PPAT: variants seen among roughly 807,000 people sequenced by gnomAD.
PPAT encodes phosphoribosyl pyrophosphate amidotransferase.
Under a neutral mutation model 60.2 loss-of-function variants are expected in PPAT, and 20 were observed. That is an observed-to-expected ratio of 0.33 (90% CI 0.23 to 0.48). The LOEUF (loss-of-function observed/expected upper bound fraction) is 0.48, where lower values mean the gene tolerates loss of function less well. Among genes scored for constraint, PPAT ranks in the 20% least tolerant of loss-of-function variants. PPAT has a pLI of 0.99. For missense variants in PPAT, 349 were observed against 629.6 expected (o/e 0.55, Z 4.77); for synonymous variants, 194 against 215.1 (o/e 0.90, Z 0.86).
chr4:56,432,614 T>C (rs1717651455), intron 1 of PPAT, among the ~76,000 whole-genome samples: 1 of 148,620 alleles, frequency 6.7e-6, no homozygotes. Flanking sequence ...TGAAACCCCG[T>C]TTCTACTAAA....
intron 2 of PPAT, among the ~76,000 whole-genome samples, chr4:56,407,392 C>T (rs1213246501): frequency 6.6e-6 from 1 of 151,698 alleles, no homozygotes; most frequent in Non-Finnish European, 1.5e-5. Context: ...AATATCAGCT[C>T]ACCACAACCT....
Position 56,396,479 on chromosome 4 carries a change from A to T in PPAT, c.1357+140T>A. 1 of 819,612 alleles carries T rather than the reference A, an allele frequency of 1.2e-6. No individual in the cohort carries two copies. The highest frequency in any genetic ancestry group is 1.8e-6 in the Non-Finnish European group (1 of 549,070). The allele number at this position is 819,612 out of a possible 1,614,324, so 50.8% of individuals were successfully genotyped here. A position where few individuals can be genotyped will look rare whatever the true frequency, so the allele number is the denominator to read the frequency against. On this transcript the variant is annotated intron_variant, in intron 10 of 10. Coordinates refer to ENST00000264220, the MANE Select transcript of PPAT (RefSeq NM_002703.5). This position sits in a 1 kb window ranked among gnomAD's most constrained non-coding sequence, Gnocchi z 4.6. ...CATGCCCACTACTCTCACTGTTGAG[A>T]ATAGTATTCAATATCTGTTTAACAT...
At chr4:56,408,623 G>A (rs1317996749) in intron 1 of PPAT, among the ~76,000 whole-genome samples, 2 of 146,104 alleles carry the variant, frequency 1.4e-5, no homozygotes, top group East Asian at 2.1e-4. Context: ...GCGTGGTGGC[G>A]GGCGCCTGTC....
At chr4:56,407,617 C>A in intron 2 of PPAT, 33 bp downstream of exon 2, 1 of 1,540,342 alleles carries the variant, frequency 6.5e-7, no homozygotes, top group South Asian at 1.1e-5. Context: ...CGCACTTGGT[C>A]TGTCATCAAC....
chr4:56,396,455 A>G lies in PPAT; in HGVS notation c.1357+164T>C. On this transcript the variant is annotated intron_variant, in intron 10 of 10. Coordinates refer to ENST00000264220, the MANE Select transcript of PPAT (RefSeq NM_002703.5). The surrounding 1 kb of genome is among the most constrained non-coding windows in gnomAD (Gnocchi z 4.6). Reference sequence around the variant, plus strand: ...ACACAAGACTCTGTGGTGTCTGCCCATGCCCACTACTCTCACTGTTGAGAA... The same window carrying G: ...ACACAAGACTCTGTGGTGTCTGCCCGTGCCCACTACTCTCACTGTTGAGAA... 2 of 612,124 alleles carry G rather than the reference A, an allele frequency of 3.3e-6. No individual in the cohort carries two copies. Among genetic ancestry groups the G allele is most frequent in the Non-Finnish European group, 2.6e-6 (1 of 388,624 alleles). 37.9% of individuals were successfully genotyped at this position (612,124 alleles called of 1,614,324 possible).
At chr4:56,401,983 T>C (rs1716123573) in intron 6 of PPAT, 126 bp downstream of exon 6, 1 of 678,632 alleles carries the variant, frequency 1.5e-6, no homozygotes, top group Non-Finnish European at 2.4e-6. Flanking sequence ...AGAAAAACCA[T>C]TTATAAATAT....
chr4:56,400,874 C>T lies in PPAT; in HGVS notation c.924G>A (p.Gln308=). The T allele has an allele frequency of 6.2e-7, 1 of 1,612,992 alleles. No individual in the cohort carries two copies. Among genetic ancestry groups the T allele is most frequent in the Non-Finnish European group, 8.5e-7 (1 of 1,178,988 alleles). The change falls in exon 8 of 11, where the codon CAG becomes CAA. Residue 308 remains glutamine (Q), a synonymous_variant. Transcript: ENST00000264220. The part of the protein sequence containing the change: ...MVYTVRYRCG[Q]QLAIEAPVDA... ...CCACAGGTGCTTCAATCGCTAGCTG[C>T]TGGCCACAACGGTATCTTACTGTAT...
intron 9 of PPAT, among the ~76,000 whole-genome samples, chr4:56,398,569 C>A (rs1716039616): frequency 6.6e-6 from 1 of 151,796 alleles, no homozygotes; most frequent in Non-Finnish European, 1.5e-5. Context: ...CCCACCTCAG[C>A]CTCCTAAGTA....
chr4:56,396,881 TG>T lies in PPAT; in HGVS notation c.1237-143del. The T allele has an allele frequency of 2.5e-6, 2 of 809,276 alleles. No homozygotes were observed. Among genetic ancestry groups the T allele is most frequent in the Non-Finnish European group, 3.5e-6 (2 of 567,650 alleles). The allele number at this position is 809,276 out of a possible 1,614,324, so 50.1% of individuals were successfully genotyped here. On this transcript the variant is annotated intron_variant, in intron 9 of 10. Transcript: ENST00000264220. The surrounding 1 kb of genome is among the most constrained non-coding windows in gnomAD (Gnocchi z 4.6). ...TTATTCTTTCTACAAAGCTGCTTCTTGGTTTTTTTTTTCTTTCACCTAATCA... is the reference window on the plus strand; with the variant it reads ...TTATTCTTTCTACAAAGCTGCTTCTTGTTTTTTTTTTCTTTCACCTAATCA...
chr4:56,400,929 GGAGA>G lies in PPAT; in HGVS notation c.887-22_887-19del. The G allele has an allele frequency of 6.2e-7, 1 of 1,600,322 alleles. No homozygotes were observed. On this transcript the variant is annotated intron_variant, in intron 7 of 10. Transcript: ENST00000264220. ...CATTTGGTCTGGTGTGTTTGGAAAA[GGAGA>G]GAGAGTATTTTTACTTAGCATGATA...
At chr4:56,430,196 A>T (rs57697821) in intron 1 of PPAT, among the ~76,000 whole-genome samples, 1 of 152,136 alleles carries the variant, frequency 6.6e-6, no homozygotes, top group South Asian at 2.1e-4. Context: ...TTTTTGAAAA[A>T]TTGCATGTCT....
chr4:56,401,203 C>G, intron 7 of PPAT, 127 bp downstream of exon 7: 3 of 936,338 alleles, frequency 3.2e-6, no homozygotes, highest in Non-Finnish European at 4.7e-6. Context: ...GGGCTCAGTC[C>G]TATATCCACA....
chr4:56,403,989 C>T (rs1243140693), intron 3 of PPAT: 4 of 434,438 alleles, frequency 9.2e-6, no homozygotes, highest in Admixed American at 7.8e-5. Context: ...CCACTCACCT[C>T]CTGCTGTGTG....
intron 1 of PPAT, chr4:56,421,083 A>G (rs1717015006): frequency 6.6e-6 from 1 of 152,274 alleles, no homozygotes; most frequent in Non-Finnish European, 1.5e-5. Flanking sequence ...CATCATGCAC[A>G]TTATGACCTG....
intron 1 of PPAT, among the ~76,000 whole-genome samples, chr4:56,424,382 C>T (rs1164553289): frequency 6.6e-6 from 1 of 152,110 alleles, no homozygotes; most frequent in Non-Finnish European, 1.5e-5. Flanking sequence ...GCACTGGAAA[C>T]CGTAGCTAGG....
At chr4:56,413,725 G>A (rs967419523) in intron 1 of PPAT, among the ~76,000 whole-genome samples, 15 of 151,940 alleles carry the variant, frequency 9.9e-5, no homozygotes, top group Middle Eastern at 3.4e-3. Flanking sequence ...GTGAAACCCC[G>A]TCTCTACTAA....
chr4:56,406,518 T>A lies in PPAT; in HGVS notation c.379A>T (p.Asn127Tyr), dbSNP rs750794128. Reference sequence around the variant, plus strand: ...ACCTTTTTCCTTAATCGAGCAGCATTTACCAATTCGCCATTATGTGCCACA... The same window carrying A: ...ACCTTTTTCCTTAATCGAGCAGCATATACCAATTCGCCATTATGTGCCACA... ...IAVAHNGELV[N>Y]AARLRKKLLR... Residue 127 changes from asparagine to tyrosine, a missense_variant, in exon 3 of 11, where the codon AAT (asparagine) becomes TAT (tyrosine). Physicochemically the swap from Asn to Tyr is moderately radical, Grantham distance 143. Transcript: ENST00000264220. 6.2e-7 allele frequency: 1 copy of A among 1,612,368 alleles called. No individual in the cohort carries two copies. The highest frequency in any genetic ancestry group is 1.1e-5 in the South Asian group (1 of 90,998).
At chr4:56,401,004 A>C in intron 7 of PPAT, 93 bp from the exon 8 acceptor site, 1 of 1,282,062 alleles carries the variant, frequency 7.8e-7, no homozygotes, top group African/African-American at 1.5e-5. Flanking sequence ...CTACAGATTG[A>C]GTATAAAAAG....
chr4:56,412,497 C>T (rs1716511820), intron 1 of PPAT, among the ~76,000 whole-genome samples: 1 of 151,924 alleles, frequency 6.6e-6, no homozygotes, highest in South Asian at 2.1e-4. Context: ...GATGGGTTTC[C>T]CACCATGTTG....
Sources: gnomAD v4.1 joint callset for allele counts (sites outside exome capture counted in the v4.1 genomes callset) on GRCh38, gnomAD v4.1.1 for gene constraint, Gnocchi (gnomAD v3.1) non-coding constraint, MANE v1.5 for transcripts, NCBI Gene and HGNC (gene_info 2026-07-23, HGNC 2026-07-21) for gene names.